Variants in PRKAG2 observed in about 807,000 individuals in gnomAD.
PRKAG2 encodes the protein 5'-AMP-activated protein kinase subunit gamma-2.
PRKAG2 carries 26 observed loss-of-function variants against 69.6 expected under a neutral mutation model. The ratio of observed to expected loss-of-function variants is 0.37; its 90% CI spans 0.27 to 0.52. PRKAG2 has a LOEUF of 0.52. Among genes scored for constraint, PRKAG2 ranks in the 20% least tolerant of loss-of-function variants. PRKAG2 has a pLI of 0.90. For synonymous variants in PRKAG2, 293 were observed against 285.0 expected (o/e 1.03, Z -0.28); for missense variants, 557 against 740.0 (o/e 0.75, Z 2.87).
chr7:151,737,344 T>TAAA (rs576477445), intron 3 of PRKAG2, among the ~76,000 whole-genome samples: 25,060 of 142,940 alleles, frequency 0.18, 2,414 homozygotes, highest in South Asian at 0.35. Context: ...CCATCTCTAT[T>TAAA]AAAAAAAAAA....
At chr7:151,660,354 C>G (rs917835711) in intron 4 of PRKAG2, among the ~76,000 whole-genome samples, 11 of 152,122 alleles carry the variant, frequency 7.2e-5, no homozygotes, top group Non-Finnish European at 1.5e-4. Flanking sequence ...TTTATGGTCT[C>G]CCTGGTACTA....
chr7:151,697,875 G>T (rs964891193), intron 3 of PRKAG2, among the ~76,000 whole-genome samples: 7 of 152,244 alleles, frequency 4.6e-5, no homozygotes, highest in Admixed American at 4.6e-4. Context: ...AACGGGTCAA[G>T]GCGAATCCAA....
At chr7:151,816,317 G>A (rs994144955) in intron 1 of PRKAG2, among the ~76,000 whole-genome samples, 2 of 152,184 alleles carry the variant, frequency 1.3e-5, no homozygotes, top group African/African-American at 2.4e-5. Context: ...GCCATTTTAA[G>A]CGGAAACTGT....
intron 5 of PRKAG2, among the ~76,000 whole-genome samples, chr7:151,630,506 C>T (rs987671454): frequency 6.6e-6 from 1 of 152,196 alleles, no homozygotes; most frequent in Admixed American, 6.5e-5. Flanking sequence ...CTCAAAACAC[C>T]TGATATTAGC....
chr7:151,615,030 G>A (rs750298118), intron 5 of PRKAG2, among the ~76,000 whole-genome samples: 4 of 152,014 alleles, frequency 2.6e-5, no homozygotes, highest in East Asian at 1.9e-4. Flanking sequence ...GACAGAAGCC[G>A]TGTGGATCCA....
intron 3 of PRKAG2, among the ~76,000 whole-genome samples, chr7:151,766,422 G>T (rs1451809915): frequency 6.6e-6 from 1 of 152,214 alleles, no homozygotes; most frequent in Non-Finnish European, 1.5e-5. Flanking sequence ...CTCAAACACA[G>T]TTCACTCAAC....
intron 3 of PRKAG2, among the ~76,000 whole-genome samples, chr7:151,688,587 C>T (rs189334944): frequency 1.3e-5 from 2 of 152,292 alleles, no homozygotes; most frequent in East Asian, 1.9e-4. Flanking sequence ...CAGGGAACTC[C>T]GCGGCGGGCT....
rs562565665 is a variant in PRKAG2, at chr7:151,588,365, AT to A, written c.864+6979del. Among the ~76,000 whole-genome samples the A allele has an allele frequency of 4.0e-3, 585 of 144,736 alleles. 1 individual carries two copies. The highest frequency in any genetic ancestry group is 0.01 in the African/African-American group (415 of 39,650). 95.0% of individuals were successfully genotyped at this position (144,736 alleles called of 152,430 possible). A position where few individuals can be genotyped will look rare whatever the true frequency, so the allele number is the denominator to read the frequency against. ...TAGTGAATAAGTCTCACAAGATCTGATTTTTTTTTTTTTTAAGACAGATTCT... is the reference window on the plus strand; with the variant it reads ...TAGTGAATAAGTCTCACAAGATCTGATTTTTTTTTTTTTAAGACAGATTCT... On this transcript the variant is annotated intron_variant, in intron 6 of 15. Coordinates refer to ENST00000287878, the MANE Select transcript of PRKAG2 (RefSeq NM_016203.4).
chr7:151,605,454 G>A (rs1019041587), intron 5 of PRKAG2, among the ~76,000 whole-genome samples: 1 of 151,544 alleles, frequency 6.6e-6, no homozygotes, highest in African/African-American at 2.4e-5. Flanking sequence ...AAATTTTATG[G>A]CTGGGTGCAG....
intron 3 of PRKAG2, among the ~76,000 whole-genome samples, chr7:151,703,689 T>C (rs1291336651): frequency 1.3e-5 from 2 of 151,942 alleles, no homozygotes; most frequent in African/African-American, 4.8e-5. Flanking sequence ...CAGATAATCA[T>C]CATCATTCTT....
chr7:151,709,659 A>G (rs1057151448), intron 3 of PRKAG2, among the ~76,000 whole-genome samples: 5 of 152,190 alleles, frequency 3.3e-5, no homozygotes, highest in Admixed American at 2.0e-4. Context: ...TATATGTGAC[A>G]CTGAATGACA....
At chr7:151,843,356 G>A (rs1025751065) in intron 1 of PRKAG2, among the ~76,000 whole-genome samples, 8 of 152,106 alleles carry the variant, frequency 5.3e-5, no homozygotes, top group African/African-American at 1.9e-4. Flanking sequence ...TTTCTGCAAG[G>A]AACTGGTGGG....
At chr7:151,871,338 G>C (rs1586756466) in intron 1 of PRKAG2, among the ~76,000 whole-genome samples, 1 of 152,232 alleles carries the variant, frequency 6.6e-6, no homozygotes, top group East Asian at 1.9e-4. Context: ...GAGGCATGGA[G>C]GCTCAGAGCA....
At chr7:151,794,237 T>G (rs1270166213) in intron 1 of PRKAG2, among the ~76,000 whole-genome samples, 2 of 152,246 alleles carry the variant, frequency 1.3e-5, no homozygotes, top group Non-Finnish European at 2.9e-5. Flanking sequence ...CACCCGGGGC[T>G]TCCCTAGCTC....
Position 151,811,040 on chromosome 7 carries a change from A to C in PRKAG2, c.115-24499T>G, listed in dbSNP as rs953380739. Among the ~76,000 whole-genome samples, 4 of 152,294 alleles carry C rather than the reference A, an allele frequency of 2.6e-5. No homozygotes were observed. The East Asian group carries it at 7.7e-4, about 30-fold the overall frequency. On this transcript the variant is annotated intron_variant, in intron 1 of 15. Transcript: ENST00000287878. ...GTGTGACAGGTGGGGCAGAACCACC[A>C]GCTAGGACAGGTGGGATTGGAAGAA...
At chr7:151,855,238 C>T (rs1447972251) in intron 1 of PRKAG2, among the ~76,000 whole-genome samples, 122 of 129,484 alleles carry the variant, frequency 9.4e-4, no homozygotes, top group Non-Finnish European at 1.4e-3. Flanking sequence ...ACACACACCG[C>T]CCTCCACACA....
chr7:151,708,767 C>T (rs568299062), intron 3 of PRKAG2, among the ~76,000 whole-genome samples: 35 of 152,280 alleles, frequency 2.3e-4, no homozygotes, highest in Non-Finnish European at 4.7e-4. Context: ...GTGCAGTGGC[C>T]GGCAGCTGCC....
intron 3 of PRKAG2, among the ~76,000 whole-genome samples, chr7:151,752,572 A>G (rs559385626): frequency 6.6e-6 from 1 of 152,190 alleles, no homozygotes; most frequent in Non-Finnish European, 1.5e-5. Context: ...TAAAATAAAA[A>G]TTTTTTAAAA....
rs1039592499 is a variant in PRKAG2 at position 151,583,683 on chromosome 7, C to G, written c.865-7231G>C. 6.6e-6 allele frequency among the ~76,000 whole-genome samples: 1 copy of G among 152,206 alleles called. No homozygotes were observed. Among genetic ancestry groups the G allele is most frequent in the Non-Finnish European group, 1.5e-5 (1 of 68,036 alleles). On this transcript the variant is annotated intron_variant, in intron 6 of 15. Coordinates refer to ENST00000287878, the MANE Select transcript of PRKAG2 (RefSeq NM_016203.4). The surrounding 1 kb of genome is among the most constrained non-coding windows in gnomAD (Gnocchi z 4.1). ...TTCTAATTTGCAGGAAGAAACCGCT[C>G]AGGGATCTTGAGTACCTTTGAAAAT...
Sources: gnomAD v4.1 joint callset for allele counts (sites outside exome capture counted in the v4.1 genomes callset) on GRCh38, gnomAD v4.1.1 for gene constraint, Gnocchi (gnomAD v3.1) non-coding constraint, MANE v1.5 for transcripts, NCBI Gene and HGNC (gene_info 2026-07-23, HGNC 2026-07-21) for gene names.